Variants in EVC observed in about 807,000 individuals in gnomAD.
The protein encoded by EVC is EvC ciliary complex subunit 1.
A neutral mutation model predicts 118.9 loss-of-function variants in EVC; 116 were observed. The ratio of observed to expected loss-of-function variants is 0.98; its 90% CI spans 0.84 to 1.14. The LOEUF is 1.14. EVC is among the 50% of genes most tolerant of loss of function. The probability of loss-of-function intolerance (pLI) is 0.00; values close to 1 mark genes in which losing one functional copy is unlikely to be tolerated. For missense variants in EVC, 1,401 were observed against 1,246.4 expected, an observed-to-expected ratio of 1.12 and a Z score of -1.87; for synonymous variants, 619 against 534.7, an observed-to-expected ratio of 1.16 and a Z score of -2.18.
At chr4:5,740,437 C>T (rs1317404179) in intron 5 of EVC, among the ~76,000 whole-genome samples, 1 of 147,608 alleles carries the variant, frequency 6.8e-6, no homozygotes, top group Non-Finnish European at 1.5e-5. Flanking sequence ...CACCACTGCA[C>T]TCTAGCCTGG....
intron 11 of EVC, among the ~76,000 whole-genome samples, chr4:5,766,692 G>T (rs1188247789): frequency 1.3e-4 from 18 of 133,918 alleles, no homozygotes; most frequent in South Asian, 1.1e-3. Flanking sequence ...CCAGTTGATC[G>T]CATCGGCTCC....
chr4:5,807,643 C>A (rs191823493), intron 17 of EVC, among the ~76,000 whole-genome samples: 41 of 145,414 alleles, frequency 2.8e-4, no homozygotes, highest in African/African-American at 1.1e-3. Context: ...CTGTCCCCCT[C>A]TCTGAGAGTA....
chr4:5,816,389 A>T (rs1349072738), downstream of EVC, among the ~76,000 whole-genome samples: 1 of 152,114 alleles, frequency 6.6e-6, no homozygotes, highest in Admixed American at 6.5e-5. Context: ...TGGAGGCCAC[A>T]CTTCCTGCAG....
chr4:5,723,493 C>G (rs983924971), intron 2 of EVC, among the ~76,000 whole-genome samples: 1 of 152,056 alleles, frequency 6.6e-6, no homozygotes, highest in Non-Finnish European at 1.5e-5. Context: ...CTGGTCCTTT[C>G]CTTTTCATAA....
intron 1 of EVC, among the ~76,000 whole-genome samples, chr4:5,712,928 C>T (rs1417041570): frequency 2.0e-5 from 3 of 152,206 alleles, no homozygotes; most frequent in Non-Finnish European, 4.4e-5. Context: ...CTGCCATTAT[C>T]CCCACTTTAC....
intron 2 of EVC, among the ~76,000 whole-genome samples, chr4:5,720,706 C>T (rs754827861): frequency 7.2e-5 from 11 of 152,096 alleles, no homozygotes; most frequent in Non-Finnish European, 1.2e-4. Context: ...CCAACGTGGA[C>T]GGGGGGAGAG....
chr4:5,767,086 A>T (rs368684756), intron 11 of EVC, among the ~76,000 whole-genome samples: 1 of 150,150 alleles, frequency 6.7e-6, no homozygotes, highest in Non-Finnish European at 1.5e-5. Flanking sequence ...TTTGGTGTGG[A>T]TGTCCTTTCT....
chr4:5,725,701 T>C (rs1725701468), intron 2 of EVC, among the ~76,000 whole-genome samples: 1 of 152,238 alleles, frequency 6.6e-6, no homozygotes, highest in Admixed American at 6.5e-5. Context: ...TTTCTTTTGC[T>C]GTGCAGAAGC....
intron 11 of EVC, among the ~76,000 whole-genome samples, chr4:5,759,530 TCTC>T (rs1270692644): frequency 6.6e-6 from 1 of 152,100 alleles, no homozygotes; most frequent in African/African-American, 2.4e-5. Flanking sequence ...TCAGCAGCAT[TCTC>T]CTCCTCACCC....
In EVC at chr4:5,749,947, GTCC is replaced by G. The variant is rs1424797349; in HGVS notation, c.1098+1645_1098+1647del. Among the ~76,000 whole-genome samples, 2 of 152,102 alleles carry G rather than the reference GTCC, an allele frequency of 1.3e-5. No individual in the cohort carries two copies. Among genetic ancestry groups the G allele is most frequent in the Non-Finnish European group, 2.9e-5 (2 of 68,026 alleles). On this transcript the variant is annotated intron_variant, in intron 8 of 20. Transcript: ENST00000264956. This position sits in a 1 kb window ranked among gnomAD's most constrained non-coding sequence, Gnocchi z 4.4. Reference sequence around the variant, plus strand: ...GGAGCTGGTTAGAGTGCAGAATCCTGTCCTCCACCCTTCCCAAGCAGGATCTGC... The same window carrying G: ...GGAGCTGGTTAGAGTGCAGAATCCTGTCCACCCTTCCCAAGCAGGATCTGC...
chr4:5,809,085 G>A (rs554189852), intron 18 of EVC, among the ~76,000 whole-genome samples: 1 of 152,302 alleles, frequency 6.6e-6, no homozygotes, highest in East Asian at 1.9e-4. Flanking sequence ...GACAAACTGA[G>A]GCATGCACAG....
chr4:5,780,995 T>C (rs1333428889), intron 11 of EVC, among the ~76,000 whole-genome samples: 2 of 152,204 alleles, frequency 1.3e-5, no homozygotes, highest in African/African-American at 4.8e-5. Flanking sequence ...ACCAGGAAGC[T>C]ATCTTGAGCT....
Position 5,736,178 on chromosome 4 carries a change from A to C in EVC, c.702+2743A>C, listed in dbSNP as rs1362447686. On this transcript the variant is annotated intron_variant, in intron 5 of 20. Transcript: ENST00000264956. ...TGGGGGCATGGAGGAAGATTAAATA[A>C]AGGGGAGCACCAGCACTAGGGGGTT... 3.3e-5 allele frequency among the ~76,000 whole-genome samples: 5 copies of C among 152,088 alleles called. No individual in the cohort carries two copies. The South Asian group carries it at 1.0e-3, about 31-fold the overall frequency.
chr4:5,722,069 G>C (rs1327355028), intron 2 of EVC, among the ~76,000 whole-genome samples: 2 of 152,168 alleles, frequency 1.3e-5, no homozygotes, highest in East Asian at 1.9e-4. Context: ...CTGGAACCCA[G>C]TCCCAGCTCT....
Position 5,756,478 on chromosome 4 carries a change from T to C in EVC, c.1563+116T>C, listed in dbSNP as rs1200117001. The C allele has an allele frequency of 2.1e-5, 17 of 821,580 alleles. No homozygotes were observed. Among genetic ancestry groups the C allele is most frequent in the Admixed American group, 1.6e-4 (8 of 49,896 alleles). 50.9% of individuals were successfully genotyped at this position (821,580 alleles called of 1,614,324 possible). ...TGGTTCAGGTCCAACCCCGCACTCA[T>C]TGGCCGGTGATCCACGCAGGCTGTG... On this transcript the variant is annotated intron_variant, in intron 11 of 20. Transcript: ENST00000264956. The surrounding 1 kb of genome is among the most constrained non-coding windows in gnomAD (Gnocchi z 4.2).
chr4:5,785,154 C>G (rs1026512763), intron 12 of EVC, among the ~76,000 whole-genome samples: 1 of 152,150 alleles, frequency 6.6e-6, no homozygotes, highest in African/African-American at 2.4e-5. Context: ...TTGCTTGGAG[C>G]AGCCCCCTTC....
downstream of EVC, among the ~76,000 whole-genome samples, chr4:5,818,992 C>G (rs937681416): frequency 3.9e-5 from 6 of 152,198 alleles, no homozygotes; most frequent in Non-Finnish European, 5.9e-5. Flanking sequence ...ACCACTGAAT[C>G]AGAAGGGTCA....
chr4:5,779,489 C>G (rs1007785639), intron 11 of EVC, among the ~76,000 whole-genome samples: 18 of 149,712 alleles, frequency 1.2e-4, no homozygotes, highest in African/African-American at 4.0e-4. Context: ...AATGTTATTC[C>G]ATTTGTTTGT....
intron 2 of EVC, among the ~76,000 whole-genome samples, chr4:5,724,786 A>G (rs2151886480): frequency 6.6e-6 from 1 of 152,032 alleles, no homozygotes; most frequent in South Asian, 2.1e-4. Flanking sequence ...CATCTTTGTA[A>G]CATAGGTAAA....
Sources: allele counts gnomAD v4.1 joint callset (sites outside exome capture counted in the v4.1 genomes callset), GRCh38; gene constraint gnomAD v4.1.1; non-coding constraint Gnocchi (gnomAD v3.1); transcripts MANE v1.5; gene names NCBI Gene and HGNC (gene_info 2026-07-23, HGNC 2026-07-21).